Variants in MRE11 observed in about 807,000 individuals in gnomAD.
MRE11 encodes the protein MRE11 double strand break repair nuclease.
A neutral mutation model predicts 91.7 loss-of-function variants in MRE11; 62 were observed. The ratio of observed to expected loss-of-function variants is 0.68; its 90% CI spans 0.55 to 0.84. The LOEUF is 0.84. Ranked by LOEUF, MRE11 falls within the 40% of genes least tolerant of loss-of-function variation. MRE11 has a pLI of 0.00. For missense variants in MRE11, 796 were observed against 852.9 expected, an observed-to-expected ratio of 0.93 and a Z score of 0.83; for synonymous variants, 273 against 271.4, an observed-to-expected ratio of 1.01 and a Z score of -0.06.
At chr11:94,491,711 A>G (rs1308604158) in intron 2 of MRE11, among the ~76,000 whole-genome samples, 3 of 152,234 alleles carry the variant, frequency 2.0e-5, no homozygotes, top group Admixed American at 1.3e-4. Context: ...AAACAGGACT[A>G]AAACCCATGA....
chr11:94,477,047 A>T lies in MRE11; in HGVS notation c.545-644T>A, dbSNP rs565458532. Among the ~76,000 whole-genome samples, 4 of 152,334 alleles carry T rather than the reference A, an allele frequency of 2.6e-5. No individual in the cohort carries two copies. In the East Asian group the frequency reaches 7.7e-4, roughly 29 times the overall value. ...TTCCAGGTTCTTGATAACAGTAGTT[A>T]GTTGCATTTGAAAAACATTTTCCAT... On this transcript the variant is annotated intron_variant, in intron 6 of 19. Transcript: ENST00000323929.
chr11:94,437,592 G>GACGAT (rs1945655221), intron 16 of MRE11, among the ~76,000 whole-genome samples: 1 of 152,130 alleles, frequency 6.6e-6, no homozygotes, highest in Admixed American at 6.5e-5. Context: ...CTTTGTTGTT[G>GACGAT]ACGATACCTT....
rs965477111 is a variant in MRE11 at position 94,476,279 on chromosome 11, A to G, written c.659+10T>C. 8.8e-6 allele frequency: 14 copies of G among 1,590,078 alleles called. No individual in the cohort carries two copies. The highest frequency in any genetic ancestry group is 1.3e-5 in the African/African-American group (1 of 74,380). The stretch of plus-strand genomic sequence containing the variant: ...CACTTGGCTCAAACTTTTTCAGAGA[A>G]AAGTTTTACCTGTTCTGATGAATCA... On this transcript the variant is annotated intron_variant, in intron 7 of 19. Transcript: ENST00000323929.
intron 14 of MRE11, among the ~76,000 whole-genome samples, chr11:94,449,826 G>T (rs499952): frequency 0.41 from 61,731 of 151,882 alleles, 12,926 homozygotes; most frequent in Middle Eastern, 0.49. Context: ...TATGTATTTG[G>T]GTATCTAAGC....
In MRE11 at chr11:94,484,682, A is replaced by G. The variant is rs114687712; in HGVS notation, c.314+1242T>C. Among the ~76,000 whole-genome samples the G allele has an allele frequency of 7.5e-3, 1,150 of 152,324 alleles. 12 individuals are homozygous for G. Among genetic ancestry groups the G allele is most frequent in the African/African-American group, 0.025 (1,053 of 41,582 alleles). On this transcript the variant is annotated intron_variant, in intron 4 of 19. Transcript: ENST00000323929. ...AGGTTGATGTCACGCACCTCCTGAT[A>G]TGATGCGACTGAAAGGGTACTTCAC...
At position 94,426,783 on chromosome 11, in the gene MRE11, A is replaced by G. The variant is rs551696832; in HGVS notation, c.2070+3128T>C. Among the ~76,000 whole-genome samples the G allele has an allele frequency of 4.6e-5, 7 of 152,320 alleles. No homozygotes were observed. In the South Asian group the frequency reaches 1.4e-3, roughly 32 times the overall value. On this transcript the variant is annotated intron_variant, in intron 19 of 19. Coordinates refer to ENST00000323929, the MANE Select transcript of MRE11 (RefSeq NM_005591.4). ...TAGAGACTACTATGAATAACTATTC[A>G]CACACATTAGAAAATCTAGAGGAAA...
chr11:94,472,338 C>A (rs1308844297), intron 7 of MRE11, among the ~76,000 whole-genome samples: 1 of 151,988 alleles, frequency 6.6e-6, no homozygotes, highest in Non-Finnish European at 1.5e-5. Context: ...TGATAGAAGA[C>A]AAGAAGGAAT....
At chr11:94,503,856 C>T in the MRE11 span, among the ~76,000 whole-genome samples, 1 of 137,996 alleles carries the variant, frequency 7.2e-6, no homozygotes, top group Non-Finnish European at 1.6e-5. Context: ...AAAAGACTAG[C>T]TATAAAACAA....
At position 94,459,888 on chromosome 11, in the gene MRE11, G is replaced by A. The variant is rs13447663; in HGVS notation, c.1327-307C>T. Among the ~76,000 whole-genome samples, 56 of 152,234 alleles carry A rather than the reference G, an allele frequency of 3.7e-4. 1 individual carries two copies. In the East Asian group the frequency reaches 8.7e-3, roughly 24 times the overall value. ...ATAAGAGCCCCCTAAAGATGTCCAC[G>A]TCTTAAACTCTGGGACCTGTGAATA... On this transcript the variant is annotated intron_variant, in intron 12 of 19. Coordinates refer to ENST00000323929, the MANE Select transcript of MRE11 (RefSeq NM_005591.4).
At position 94,467,550 on chromosome 11, in the gene MRE11, A is replaced by G. The variant is rs1021615504; in HGVS notation, c.1098+263T>C. ...CTGGAATGAAGTGAGTAGAGGAGGTAGTTAAAGATGAAGCCAGAGAGCTCA... is the reference window on the plus strand; with the variant it reads ...CTGGAATGAAGTGAGTAGAGGAGGTGGTTAAAGATGAAGCCAGAGAGCTCA... On this transcript the variant is annotated intron_variant, in intron 10 of 19. Transcript: ENST00000323929. Among the ~76,000 whole-genome samples the G allele has an allele frequency of 4.6e-5, 7 of 152,138 alleles. 1 individual carries two copies. In the South Asian group the frequency reaches 1.2e-3, roughly 27 times the overall value.
intron 19 of MRE11, among the ~76,000 whole-genome samples, chr11:94,425,297 T>C (rs1348070905): frequency 6.6e-6 from 1 of 152,078 alleles, no homozygotes; most frequent in Non-Finnish European, 1.5e-5. Flanking sequence ...GGCAAGCAAA[T>C]GCTGAGGAAT....
intron 8 of MRE11, 73 bp from the exon 9 acceptor site, chr11:94,470,715 A>T: frequency 6.1e-6 from 9 of 1,468,118 alleles, no homozygotes; most frequent in Non-Finnish European, 7.6e-6. Context: ...GAAAGCTTTC[A>T]TATTTCTTAG....
chr11:94,485,787 G>C, intron 4 of MRE11, 137 bp downstream of exon 4: 1 of 816,230 alleles, frequency 1.2e-6, no homozygotes, highest in Non-Finnish European at 2.0e-6. Flanking sequence ...ATACAATGAT[G>C]TACAAAAAAA....
At position 94,417,761 on chromosome 11, in the gene MRE11, T is replaced by A; in HGVS notation, c.*2364A>T. 1 of 233,104 alleles carries A rather than the reference T, an allele frequency of 4.3e-6. No homozygotes were observed. The highest frequency in any genetic ancestry group is 6.1e-5 in the East Asian group (1 of 16,506). 14.4% of individuals were successfully genotyped at this position (233,104 alleles called of 1,614,324 possible). Reference sequence around the variant, plus strand: ...ATGACTTTTCTGTATTTATTGTATTTCCTACTTTTAAAAGTTTGGGAAAAA... The same window carrying A: ...ATGACTTTTCTGTATTTATTGTATTACCTACTTTTAAAAGTTTGGGAAAAA... On this transcript the variant is annotated 3_prime_UTR_variant, in exon 20 of 20. Coordinates refer to ENST00000323929, the MANE Select transcript of MRE11 (RefSeq NM_005591.4).
chr11:94,439,771 C>A (rs1383278576), intron 16 of MRE11, among the ~76,000 whole-genome samples: 2 of 152,214 alleles, frequency 1.3e-5, no homozygotes, highest in African/African-American at 4.8e-5. Context: ...CAGATGAGAA[C>A]ACTCATTCCT....
intron 5 of MRE11, among the ~76,000 whole-genome samples, chr11:94,479,353 G>A (rs1181823928): frequency 1.3e-5 from 2 of 152,078 alleles, no homozygotes; most frequent in Non-Finnish European, 2.9e-5. Flanking sequence ...TTTCCTAAAA[G>A]TGAGATTTTA....
chr11:94,437,900 G>A (rs1375648797), intron 16 of MRE11, among the ~76,000 whole-genome samples: 1 of 152,042 alleles, frequency 6.6e-6, no homozygotes. Context: ...TGAGGCGGGC[G>A]GATCACTTAA....
chr11:94,498,301 T>C, upstream of MRE11: 1 of 1,613,884 alleles, frequency 6.2e-7, no homozygotes, highest in Non-Finnish European at 8.5e-7. Context: ...TACTGCAGCA[T>C]GATGCAGATA....
intron 7 of MRE11, among the ~76,000 whole-genome samples, chr11:94,472,288 C>T (rs909600654): frequency 1.3e-5 from 2 of 151,744 alleles, no homozygotes; most frequent in African/African-American, 2.4e-5. Context: ...TGGTATTATA[C>T]CTATATCAGT....
Sources: allele counts gnomAD v4.1 joint callset (sites outside exome capture counted in the v4.1 genomes callset), GRCh38; gene constraint gnomAD v4.1.1; transcripts MANE v1.5; gene names NCBI Gene and HGNC (gene_info 2026-07-23, HGNC 2026-07-21).